Variants in SDR42E2 observed in about 807,000 individuals in gnomAD.
SDR42E2 encodes short chain dehydrogenase/reductase family 42E, member 2.
Under a neutral mutation model 10.5 loss-of-function variants are expected in SDR42E2, and 20 were observed. That is an observed-to-expected ratio of 1.90 (90% confidence interval 1.34 to 2.77). The LOEUF is 2.77. SDR42E2 is among the 30% of genes most tolerant of loss of function. SDR42E2 has a pLI of 0.00. For synonymous variants in SDR42E2, 72 were observed against 39.2 expected (o/e 1.84, Z -3.12); for missense variants, 162 against 104.2 (o/e 1.55, Z -2.42).
At chr16:22,187,504 C>T (rs2046744056) in intron 12 of SDR42E2, among the ~76,000 whole-genome samples, 1 of 151,638 alleles carries the variant, frequency 6.6e-6, no homozygotes, top group Non-Finnish European at 1.5e-5. Flanking sequence ...TTAGTCCCAG[C>T]TCAGGTGGGG....
At chr16:22,171,700 T>C (rs535940668) in intron 6 of SDR42E2, among the ~76,000 whole-genome samples, 4 of 152,048 alleles carry the variant, frequency 2.6e-5, no homozygotes, top group African/African-American at 9.7e-5. Context: ...GCCCAGCTAA[T>C]TTTTGTATTT....
Position 22,165,581 on chromosome 16 carries a change from G to A in SDR42E2, c.-2G>A, listed in dbSNP as rs2046527855. On this transcript the variant is annotated 5_prime_UTR_variant, in exon 2 of 13. Transcript: ENST00000602312. The stretch of plus-strand genomic sequence containing the variant: ...TTCTGGGTCTGCATGGCTCAGTAGA[G>A]GATGAAGTCCAACCCCCCACGCTCC... 3 of 401,252 alleles carry A rather than the reference G, an allele frequency of 7.5e-6. No homozygotes were observed. Among genetic ancestry groups the A allele is most frequent in the Non-Finnish European group, 1.3e-5 (3 of 226,386 alleles). The allele number at this position is 401,252 out of a possible 1,614,324, so 24.9% of individuals were successfully genotyped here. A position where few individuals can be genotyped will look rare whatever the true frequency, so the allele number is the denominator to read the frequency against.
chr16:22,187,777 G>A lies in SDR42E2; in HGVS notation c.1014+983G>A, dbSNP rs933746088. ...ACAGATTGTAAATAGCAAAGTAATC[G>A]GTGGTATTTGAGGTTATTTGCAAAA... On this transcript the variant is annotated intron_variant, in intron 12 of 12. Transcript: ENST00000602312. Among the ~76,000 whole-genome samples the A allele has an allele frequency of 5.9e-5, 9 of 151,930 alleles. No individual in the cohort carries two copies. The South Asian group carries it at 1.2e-3, about 21-fold the overall frequency.
chr16:22,181,326 C>T (rs1377556496), intron 8 of SDR42E2, among the ~76,000 whole-genome samples, 193 bp from the exon 9 acceptor site: 1 of 152,142 alleles, frequency 6.6e-6, no homozygotes, highest in African/African-American at 2.4e-5. Flanking sequence ...CGATCAGATG[C>T]TCGCTCCAGG....
In SDR42E2 at chr16:22,190,431, T is replaced by G. The variant is rs2046765778; in HGVS notation, c.*38T>G. The stretch of plus-strand genomic sequence containing the variant: ...CGCCGCCCGCTAGGGTCGGCCCCGC[T>G]GCACCCTCGCCCACGCCCGGCTCCC... On this transcript the variant is annotated 3_prime_UTR_variant, in exon 13 of 13. Transcript: ENST00000602312. 2 of 401,198 alleles carry G rather than the reference T, an allele frequency of 5.0e-6. No homozygotes were observed. Among genetic ancestry groups the G allele is most frequent in the African/African-American group, 2.1e-5 (1 of 48,620 alleles). 24.9% of individuals were successfully genotyped at this position (401,198 alleles called of 1,614,324 possible).
chr16:22,162,895 T>C (rs903981501), intron 1 of SDR42E2, among the ~76,000 whole-genome samples: 3 of 152,160 alleles, frequency 2.0e-5, no homozygotes, highest in Non-Finnish European at 4.4e-5. Context: ...TGAAGCCATG[T>C]CCAGGGTGGG....
intron 6 of SDR42E2, 55 bp from the exon 7 acceptor site, chr16:22,172,201 G>A: frequency 1.4e-6 from 1 of 702,650 alleles, no homozygotes; most frequent in Non-Finnish European, 2.6e-6. Context: ...GGCAGGCATT[G>A]CCAGCAGCAT....
At chr16:22,164,881 G>A (rs946728065) in intron 1 of SDR42E2, among the ~76,000 whole-genome samples, 6 of 152,212 alleles carry the variant, frequency 3.9e-5, no homozygotes, top group Admixed American at 2.6e-4. Flanking sequence ...GTTCCCGCTG[G>A]ATGATTTGCC....
At chr16:22,170,197 CT>C (rs1393311338) in intron 5 of SDR42E2, among the ~76,000 whole-genome samples, 1 of 148,416 alleles carries the variant, frequency 6.7e-6, no homozygotes, top group African/African-American at 2.5e-5. Context: ...TCTACTAAAA[CT>C]ACAAAATTAG....
intron 1 of SDR42E2, among the ~76,000 whole-genome samples, chr16:22,163,417 A>G (rs1378151575): frequency 6.6e-6 from 1 of 152,076 alleles, no homozygotes; most frequent in Non-Finnish European, 1.5e-5. Flanking sequence ...CATTAAATCC[A>G]TGAGTGGGCT....
intron 7 of SDR42E2, among the ~76,000 whole-genome samples, chr16:22,172,806 G>A (rs994016771): frequency 6.6e-6 from 1 of 152,162 alleles, no homozygotes; most frequent in South Asian, 2.1e-4. Context: ...TTAGAGATAG[G>A]GTCTTGCTCT....
At chr16:22,186,620 TAGCAA>T (rs958388657) in intron 11 of SDR42E2, 96 bp from the exon 12 acceptor site, 5 of 400,734 alleles carry the variant, frequency 1.2e-5, no homozygotes, top group Admixed American at 8.8e-5. Flanking sequence ...AAGTGACCTC[TAGCAA>T]AGCAAATGGT....
chr16:22,178,140 T>C lies in SDR42E2; in HGVS notation c.600T>C (p.Thr200=). ...TTCCCTGTGTGCTAGGAGGAGGCAC[T>C]CTTCGGACGTGTGTGCTCCGGCCTC... ...ANGMPLPGGG[T]LRTCVLRPPG... Residue 200 remains threonine, a synonymous_variant, in exon 8 of 13, where the codon ACT becomes ACC. Coordinates refer to ENST00000602312, the MANE Select transcript of SDR42E2 (RefSeq NM_001394319.2). The C allele has an allele frequency of 2.8e-6, 2 of 702,808 alleles. No individual in the cohort carries two copies. Among genetic ancestry groups the C allele is most frequent in the Non-Finnish European group, 5.2e-6 (2 of 384,940 alleles). The allele number at this position is 702,808 out of a possible 1,614,324, so 43.5% of individuals were successfully genotyped here.
intron 10 of SDR42E2, among the ~76,000 whole-genome samples, chr16:22,183,216 G>A (rs1419370471): frequency 6.6e-6 from 1 of 152,010 alleles, no homozygotes; most frequent in African/African-American, 2.4e-5. Flanking sequence ...TCTGCCTCCT[G>A]GGTTCAAGCG....
chr16:22,165,038 T>C (rs1186187615), intron 1 of SDR42E2, among the ~76,000 whole-genome samples: 1 of 152,218 alleles, frequency 6.6e-6, no homozygotes, highest in Non-Finnish European at 1.5e-5. Flanking sequence ...CTGCCTTGTC[T>C]CTGACTCTGT....
intron 10 of SDR42E2, among the ~76,000 whole-genome samples, chr16:22,182,554 G>A (rs576727885): frequency 5.3e-5 from 8 of 152,176 alleles, no homozygotes; most frequent in African/African-American, 1.7e-4. Flanking sequence ...CACCATGTTT[G>A]CCAGGCTGGT....
At chr16:22,162,988 CTTTGCGCCAGGCA>C (rs1278839671) in intron 1 of SDR42E2, among the ~76,000 whole-genome samples, 2 of 152,188 alleles carry the variant, frequency 1.3e-5, no homozygotes, top group African/African-American at 4.8e-5. Flanking sequence ...TGGCCGCCTG[CTTTGCGCCAGGCA>C]CTGTTCTAGG....
Position 22,172,272 on chromosome 16 carries a change from C to A in SDR42E2, c.530C>A (p.Ser177Tyr), listed in dbSNP as rs2046607819. 3 of 703,146 alleles carry A rather than the reference C, an allele frequency of 4.3e-6. No homozygotes were observed. The highest frequency in any genetic ancestry group is 3.0e-5 in the South Asian group (2 of 67,592). The allele number at this position is 703,146 out of a possible 1,614,324, so 43.6% of individuals were successfully genotyped here. The change falls in exon 7 of 13, where the codon TCC becomes TAC. Residue 177 changes from serine to tyrosine, a missense_variant. Coordinates refer to ENST00000602312, the MANE Select transcript of SDR42E2 (RefSeq NM_001394319.2). ...FPLDEHVDHY[S>Y]RTKAIADQLT... ...CTCTGGCAGCACGTAGACCACTACT[C>A]CCGAACCAAAGCCATCGCCGACCAA...
chr16:22,167,431 C>A (rs1001871337), intron 4 of SDR42E2, among the ~76,000 whole-genome samples: 1 of 152,090 alleles, frequency 6.6e-6, no homozygotes, highest in African/African-American at 2.4e-5. Context: ...GTGATCTGCC[C>A]GCCTTGGCCT....
Sources: gnomAD v4.1 joint callset for allele counts (sites outside exome capture counted in the v4.1 genomes callset) on GRCh38, gnomAD v4.1.1 for gene constraint, MANE v1.5 for transcripts, NCBI Gene and HGNC (gene_info 2026-07-23, HGNC 2026-07-21) for gene names.